The following KCNU1 variants were observed in gnomAD, a reference collection of about 807,000 sequenced individuals.
The protein encoded by KCNU1 is potassium channel subfamily U member 1.
A neutral mutation model predicts 126.8 loss-of-function variants in KCNU1; 93 were observed. The ratio of observed to expected loss-of-function variants is 0.73; its 90% CI spans 0.62 to 0.87. The LOEUF is 0.87. KCNU1 is among the 40% of genes least tolerant of loss of function. The pLI, the probability that KCNU1 is intolerant of heterozygous loss-of-function variation, is 0.00. For missense variants in KCNU1, 1,330 were observed against 1,367.1 expected (o/e 0.97, Z 0.43); for synonymous variants, 523 against 494.2 (o/e 1.06, Z -0.77).
intron 19 of KCNU1, among the ~76,000 whole-genome samples, chr8:36,873,396 C>T (rs538546909): frequency 1.6e-4 from 25 of 152,250 alleles, no homozygotes; most frequent in Non-Finnish European, 3.4e-4. Context: ...AATTGTCCTC[C>T]TCAACTTAGC....
At chr8:36,921,466 GT>G (rs1204240195) in intron 23 of KCNU1, among the ~76,000 whole-genome samples, 1 of 151,934 alleles carries the variant, frequency 6.6e-6, no homozygotes, top group Non-Finnish European at 1.5e-5. Flanking sequence ...ATCATTTGAA[GT>G]CAAGAGTTTG....
chr8:36,829,311 G>T (rs1479934630), intron 10 of KCNU1, among the ~76,000 whole-genome samples: 1 of 151,714 alleles, frequency 6.6e-6, no homozygotes, highest in Admixed American at 6.6e-5. Flanking sequence ...TTATATTAAA[G>T]CACTTATTGT....
At chr8:36,928,871 C>T in intron 24 of KCNU1, 1 of 593,062 alleles carries the variant, frequency 1.7e-6, no homozygotes, top group Non-Finnish European at 3.0e-6. Flanking sequence ...CCTTTAAATT[C>T]TGATTCCCAT....
chr8:36,891,462 G>T (rs965599076), intron 19 of KCNU1, among the ~76,000 whole-genome samples: 6 of 151,960 alleles, frequency 3.9e-5, no homozygotes, highest in Non-Finnish European at 7.4e-5. Context: ...ATGGATGGAT[G>T]CTTGGAAGAA....
intron 24 of KCNU1, among the ~76,000 whole-genome samples, chr8:36,927,331 G>T (rs1808566312): frequency 6.6e-6 from 1 of 152,096 alleles, no homozygotes; most frequent in African/African-American, 2.4e-5. Flanking sequence ...CCCAGCTGAA[G>T]AAATATTCCT....
At position 36,921,052 on chromosome 8, in the gene KCNU1, C is replaced by T. The variant is rs191160528; in HGVS notation, c.2597-1438C>T. ...AGAACTGTGGAGAGTCTAAGGCTAT[C>T]CTATTTGCAAACCAACAAGTGCACC... On this transcript the variant is annotated intron_variant, in intron 23 of 26. Transcript: ENST00000399881. Among the ~76,000 whole-genome samples, 4 of 152,254 alleles carry T rather than the reference C, an allele frequency of 2.6e-5. No individual in the cohort carries two copies. The East Asian group carries it at 7.7e-4, about 29-fold the overall frequency.
At chr8:36,872,427 C>T (rs1806136766) in intron 19 of KCNU1, among the ~76,000 whole-genome samples, 1 of 152,148 alleles carries the variant, frequency 6.6e-6, no homozygotes, top group Admixed American at 6.6e-5. Flanking sequence ...GGGGACGCCG[C>T]CCCGCCCTGT....
chr8:36,920,197 A>G (rs556911792), intron 23 of KCNU1, among the ~76,000 whole-genome samples: 111 of 150,956 alleles, frequency 7.4e-4, no homozygotes, highest in Non-Finnish European at 1.2e-3. Flanking sequence ...CTCACTCTCC[A>G]CTCCTCCCCT....
chr8:36,890,900 A>G (rs1806937358), intron 19 of KCNU1, among the ~76,000 whole-genome samples: 1 of 150,504 alleles, frequency 6.6e-6, no homozygotes, highest in South Asian at 2.1e-4. Flanking sequence ...TACTATTTTC[A>G]TGCCGTTATT....
chr8:36,912,183 GC>G (rs1807900624), intron 22 of KCNU1, among the ~76,000 whole-genome samples: 1 of 152,164 alleles, frequency 6.6e-6, no homozygotes, highest in East Asian at 1.9e-4. Flanking sequence ...AGCATTTAAG[GC>G]ATTGCAAGGC....
chr8:36,793,368 T>C (rs1802973249), intron 2 of KCNU1, among the ~76,000 whole-genome samples: 1 of 151,454 alleles, frequency 6.6e-6, no homozygotes, highest in African/African-American at 2.4e-5. Context: ...AAAAATAAAA[T>C]AAAATAAAAA....
intron 10 of KCNU1, among the ~76,000 whole-genome samples, chr8:36,830,517 T>C (rs998499439): frequency 9.2e-5 from 14 of 152,218 alleles, no homozygotes; most frequent in African/African-American, 3.1e-4. Flanking sequence ...GGTAATATGA[T>C]TATTTTGTCT....
chr8:36,831,703 G>T (rs1366836285), intron 10 of KCNU1, among the ~76,000 whole-genome samples: 8 of 148,234 alleles, frequency 5.4e-5, no homozygotes, highest in Admixed American at 2.0e-4. Flanking sequence ...CTCCCATTTT[G>T]TAGGTTGCCT....
chr8:36,836,766 T>A (rs1285653029), intron 13 of KCNU1, 27 bp from the exon 14 acceptor site: 1 of 1,610,748 alleles, frequency 6.2e-7, no homozygotes, highest in Admixed American at 1.7e-5. Context: ...ATTCCTAATG[T>A]TTGACCTGCT....
At chr8:36,868,199 G>A (rs929418893) in intron 19 of KCNU1, among the ~76,000 whole-genome samples, 1 of 152,036 alleles carries the variant, frequency 6.6e-6, no homozygotes, top group African/African-American at 2.4e-5. Flanking sequence ...CAGTGATAGA[G>A]TACTCCCACT....
At chr8:36,860,911 C>CTT (rs369702690) in intron 18 of KCNU1, among the ~76,000 whole-genome samples, 9 of 140,266 alleles carry the variant, frequency 6.4e-5, no homozygotes, top group African/African-American at 1.8e-4. Context: ...CCCTGGGTCA[C>CTT]TTTTTTTTTT....
chr8:36,784,605 G>C lies in KCNU1; in HGVS notation c.195G>C (p.Leu65Phe). 6.2e-7 allele frequency: 1 copy of C among 1,608,280 alleles called. No homozygotes were observed. Among genetic ancestry groups the C allele is most frequent in the Non-Finnish European group, 8.5e-7 (1 of 1,176,460 alleles). Residue 65 changes from leucine to phenylalanine, a missense_variant and splice_region_variant, in exon 1 of 27, where the codon TTG becomes TTC. Coordinates refer to ENST00000399881, the MANE Select transcript of KCNU1 (RefSeq NM_001031836.3). The part of the protein sequence containing the change: ...WQIIKGTGII[L>F]ELFTSGTIAR... ...TCATCAAGGGAACAGGAATTATCTTGGTCAGTTTCCTTGTTAGGGATCCCT... is the reference window on the plus strand; with the variant it reads ...TCATCAAGGGAACAGGAATTATCTTCGTCAGTTTCCTTGTTAGGGATCCCT...
intron 1 of KCNU1, among the ~76,000 whole-genome samples, chr8:36,785,027 A>G (rs1264798373): frequency 2.0e-5 from 3 of 152,256 alleles, no homozygotes; most frequent in Non-Finnish European, 2.9e-5. Context: ...CATAATGCAT[A>G]TGTACTGACG....
chr8:36,850,741 G>C (rs189339247), intron 18 of KCNU1, among the ~76,000 whole-genome samples: 75 of 152,310 alleles, frequency 4.9e-4, no homozygotes, highest in Non-Finnish European at 5.9e-5. Flanking sequence ...ACAGGCATGA[G>C]CCGATGTGCC....
Sources: allele counts gnomAD v4.1 joint callset (sites outside exome capture counted in the v4.1 genomes callset), GRCh38; gene constraint gnomAD v4.1.1; transcripts MANE v1.5; gene names NCBI Gene and HGNC (gene_info 2026-07-23, HGNC 2026-07-21).